CHCHD3: variants seen among roughly 807,000 people sequenced by gnomAD.
CHCHD3 encodes MICOS complex subunit MIC19.
Under a neutral mutation model 38.2 loss-of-function variants are expected in CHCHD3, and 20 were observed. The observed-to-expected ratio is 0.52, with a 90% confidence interval of 0.37 to 0.76. CHCHD3 has a LOEUF of 0.76. Ranked by LOEUF, CHCHD3 falls within the 30% of genes least tolerant of loss-of-function variation. CHCHD3 has a pLI of 0.00. For missense variants in CHCHD3, 245 were observed against 279.2 expected (o/e 0.88, Z 0.87); for synonymous variants, 82 against 100.0 (o/e 0.82, Z 1.07).
chr7:133,045,033 C>A (rs1383121978), intron 2 of CHCHD3, among the ~76,000 whole-genome samples: 1 of 152,224 alleles, frequency 6.6e-6, no homozygotes, highest in African/African-American at 2.4e-5. Flanking sequence ...TCCCCTCTAC[C>A]TAAAGCTTTT....
Position 133,035,596 on chromosome 7 carries a change from G to A in CHCHD3, c.170-10969C>T. 6.2e-7 allele frequency: 1 copy of A among 1,613,124 alleles called. No individual in the cohort carries two copies. On this transcript the variant is annotated intron_variant, in intron 2 of 7. Coordinates refer to ENST00000262570, the MANE Select transcript of CHCHD3 (RefSeq NM_017812.4). This position sits in a 1 kb window ranked among gnomAD's most constrained non-coding sequence, Gnocchi z 4.7. ...GTGGGGAACACCCAGGTACTGGCTG[G>A]GGGCACTATATCGGAATCAGCAAAG...
At chr7:132,839,288 C>G (rs1258843013) in intron 5 of CHCHD3, among the ~76,000 whole-genome samples, 1 of 151,800 alleles carries the variant, frequency 6.6e-6, no homozygotes, top group Non-Finnish European at 1.5e-5. Flanking sequence ...TCAGTAGGAA[C>G]AAGGGGGCAG....
At chr7:132,958,928 T>G (rs182652018) in intron 4 of CHCHD3, among the ~76,000 whole-genome samples, 1 of 152,156 alleles carries the variant, frequency 6.6e-6, no homozygotes. Flanking sequence ...GAAGAAAACA[T>G]GTACCCTTCT....
chr7:133,060,476 TG>T (rs1325213944), intron 2 of CHCHD3, among the ~76,000 whole-genome samples: 1 of 152,104 alleles, frequency 6.6e-6, no homozygotes, highest in Non-Finnish European at 1.5e-5. Context: ...AAAAGTTTCC[TG>T]GGGTAAGTGG....
chr7:132,997,643 G>T (rs1426975480), intron 3 of CHCHD3, among the ~76,000 whole-genome samples: 2 of 117,476 alleles, frequency 1.7e-5, no homozygotes, highest in Non-Finnish European at 1.7e-5. Context: ...GCTTCTCACT[G>T]TAACTAACAG....
intron 4 of CHCHD3, among the ~76,000 whole-genome samples, chr7:132,894,796 C>T (rs910630213): frequency 6.6e-6 from 1 of 152,164 alleles, no homozygotes; most frequent in Non-Finnish European, 1.5e-5. Flanking sequence ...CAAACTACCA[C>T]ATGATATACA....
chr7:133,071,400 C>G (rs1218756292), intron 1 of CHCHD3, among the ~76,000 whole-genome samples: 5 of 152,128 alleles, frequency 3.3e-5, no homozygotes, highest in Non-Finnish European at 7.4e-5. Flanking sequence ...GGTAGAGATT[C>G]CAAATTTTGA....
At chr7:132,993,102 C>G (rs1007804940) in intron 3 of CHCHD3, among the ~76,000 whole-genome samples, 2 of 152,118 alleles carry the variant, frequency 1.3e-5, no homozygotes, top group South Asian at 2.1e-4. Context: ...TTCTTTCTAT[C>G]TGGAAGTTCA....
At chr7:132,877,520 C>CA (rs2117160882) in intron 5 of CHCHD3, among the ~76,000 whole-genome samples, 1 of 152,192 alleles carries the variant, frequency 6.6e-6, no homozygotes, top group African/African-American at 2.4e-5. Flanking sequence ...TGATACTGGG[C>CA]CTTATTCATT....
chr7:132,964,636 G>A (rs1179250362), intron 4 of CHCHD3, among the ~76,000 whole-genome samples: 3 of 152,178 alleles, frequency 2.0e-5, no homozygotes, highest in Non-Finnish European at 4.4e-5. Context: ...TTGAGGCCAA[G>A]GGAATGGATA....
chr7:133,022,708 T>A (rs1813223209), intron 3 of CHCHD3, among the ~76,000 whole-genome samples: 1 of 152,108 alleles, frequency 6.6e-6, no homozygotes, highest in Admixed American at 6.6e-5. Context: ...TTATCAATAG[T>A]CATTTGTCCA....
chr7:132,806,743 A>G (rs551268205), intron 6 of CHCHD3, among the ~76,000 whole-genome samples: 1 of 152,282 alleles, frequency 6.6e-6, no homozygotes, highest in Non-Finnish European at 1.5e-5. Context: ...TTAAAGAGCC[A>G]AAACACTTTC....
intron 4 of CHCHD3, among the ~76,000 whole-genome samples, chr7:132,941,816 A>G (rs994932051): frequency 1.4e-4 from 21 of 152,104 alleles, no homozygotes; most frequent in African/African-American, 4.8e-4. Flanking sequence ...TCCCAAGTCC[A>G]CCTGTGGAAT....
intron 5 of CHCHD3, among the ~76,000 whole-genome samples, chr7:132,881,718 T>G (rs1289500640): frequency 2.0e-5 from 3 of 152,176 alleles, no homozygotes; most frequent in Non-Finnish European, 4.4e-5. Context: ...TATATTAATA[T>G]TAGAATCATT....
intron 5 of CHCHD3, among the ~76,000 whole-genome samples, chr7:132,857,672 T>G (rs1189281368): frequency 1.3e-5 from 2 of 152,154 alleles, no homozygotes; most frequent in African/African-American, 4.8e-5. Context: ...CGTCCCAAAG[T>G]GCTGGGATTA....
intron 4 of CHCHD3, among the ~76,000 whole-genome samples, chr7:132,909,770 ATCT>A (rs1809895531): frequency 6.6e-6 from 1 of 152,270 alleles, no homozygotes; most frequent in African/African-American, 2.4e-5. Flanking sequence ...AACTACCTTT[ATCT>A]TCTTCTCTAC....
At chr7:133,080,694 G>T (rs1815148269) in intron 1 of CHCHD3, among the ~76,000 whole-genome samples, 1 of 152,168 alleles carries the variant, frequency 6.6e-6, no homozygotes, top group South Asian at 2.1e-4. Context: ...TAATTAGCAT[G>T]ATATAAAGAA....
chr7:133,032,886 G>A (rs974697270), intron 2 of CHCHD3, among the ~76,000 whole-genome samples: 12 of 152,092 alleles, frequency 7.9e-5, no homozygotes, highest in Non-Finnish European at 1.8e-4. Flanking sequence ...TTTCAAAAAT[G>A]ATTATATTTT....
intron 4 of CHCHD3, among the ~76,000 whole-genome samples, chr7:132,953,158 T>A (rs1811071839): frequency 6.6e-6 from 1 of 152,182 alleles, no homozygotes; most frequent in Non-Finnish European, 1.5e-5. Flanking sequence ...ATAGAGTCCT[T>A]CACTCCACGT....
Sources: allele counts gnomAD v4.1 joint callset (sites outside exome capture counted in the v4.1 genomes callset), GRCh38; gene constraint gnomAD v4.1.1; non-coding constraint Gnocchi (gnomAD v3.1); transcripts MANE v1.5; gene names NCBI Gene and HGNC (gene_info 2026-07-23, HGNC 2026-07-21).